Variants in OTUD7B observed in about 807,000 individuals in gnomAD.
OTUD7B encodes OTU deubiquitinase 7B, also known as OTU domain-containing protein 7B.
Under a neutral mutation model 82.2 loss-of-function variants are expected in OTUD7B, and 34 were observed. The ratio of observed to expected loss-of-function variants is 0.41; its 90% CI spans 0.31 to 0.55. The LOEUF is 0.55. OTUD7B is among the 20% of genes least tolerant of loss of function. The pLI is 0.20. For missense variants in OTUD7B, 944 were observed against 1,062.1 expected (o/e 0.89, Z 1.55); for synonymous variants, 398 against 402.7 (o/e 0.99, Z 0.14).
chr1:150,046,336 G>A, the OTUD7B span, among the ~76,000 whole-genome samples: 3 of 151,954 alleles, frequency 2.0e-5, no homozygotes, highest in Non-Finnish European at 2.9e-5. Flanking sequence ...TCTCATCTGG[G>A]TTGTTGTAAA....
chr1:150,030,924 G>A, the OTUD7B span, among the ~76,000 whole-genome samples: 2 of 151,864 alleles, frequency 1.3e-5, no homozygotes, highest in Non-Finnish European at 2.9e-5. Context: ...ACCCAGGCCC[G>A]CCACCACACT....
the OTUD7B span, among the ~76,000 whole-genome samples, chr1:150,029,030 A>G: frequency 6.6e-6 from 1 of 152,186 alleles, no homozygotes; most frequent in South Asian, 2.1e-4. Flanking sequence ...ATGCTGATGA[A>G]CATTTGGTGA....
intron 7 of OTUD7B, among the ~76,000 whole-genome samples, chr1:149,950,619 C>T (rs1648117228): frequency 6.6e-6 from 1 of 152,126 alleles, no homozygotes. Flanking sequence ...TCATGTCTTA[C>T]AAAAACAGCC....
At chr1:149,949,477 TGA>T in intron 9 of OTUD7B, 150 bp downstream of exon 9, 2 of 798,400 alleles carry the variant, frequency 2.5e-6, no homozygotes, top group African/African-American at 1.7e-5. Context: ...TTTTTTAATT[TGA>T]AAACTCTGGC....
At chr1:150,024,826 T>C in the OTUD7B span, among the ~76,000 whole-genome samples, 1 of 151,996 alleles carries the variant, frequency 6.6e-6, no homozygotes, top group African/African-American at 2.4e-5. Flanking sequence ...GGCGGGCGGA[T>C]CTCTTGAGGT....
At chr1:150,043,099 C>T in the OTUD7B span, among the ~76,000 whole-genome samples, 2 of 152,088 alleles carry the variant, frequency 1.3e-5, no homozygotes, top group Non-Finnish European at 2.9e-5. Context: ...GCCAGTGGTA[C>T]TATTATAAGT....
At chr1:150,049,405 T>G in the OTUD7B span, among the ~76,000 whole-genome samples, 1 of 152,172 alleles carries the variant, frequency 6.6e-6, no homozygotes, top group African/African-American at 2.4e-5. Flanking sequence ...TGTTGCTATA[T>G]ACTTTTAATA....
the OTUD7B span, among the ~76,000 whole-genome samples, chr1:150,031,283 T>G: frequency 3.2e-4 from 49 of 152,222 alleles, 1 homozygote; most frequent in African/African-American, 1.0e-3. Context: ...ACCTGCATTA[T>G]ACTCCTCATT....
intron 1 of OTUD7B, among the ~76,000 whole-genome samples, chr1:149,981,094 AGAGGAGGAGGAAGAGGAG>A (rs1286950946): frequency 2.1e-4 from 31 of 145,474 alleles, no homozygotes; most frequent in African/African-American, 7.8e-4. Context: ...AGGAGGAGGA[AGAGGAGGAGGAAGAGGAG>A]GAGGAGGGGG....
At chr1:150,057,198 G>A in the OTUD7B span, among the ~76,000 whole-genome samples, 8 of 151,748 alleles carry the variant, frequency 5.3e-5, no homozygotes, top group East Asian at 7.7e-4. Context: ...GATATTCTAC[G>A]AAACAACTGA....
In OTUD7B at chr1:149,940,166, A is replaced by G. The variant is rs1489437654; in HGVS notation, c.*3691T>C. On this transcript the variant is annotated 3_prime_UTR_variant, in exon 12 of 12. Transcript: ENST00000581312. The stretch of plus-strand genomic sequence containing the variant: ...CTCAGTATCACCCCGCAGATATACA[A>G]CACGAAGTCACTGCTAATTCTTGTT... 2 of 151,980 alleles carry G rather than the reference A, an allele frequency of 1.3e-5. No individual in the cohort carries two copies. The highest frequency in any genetic ancestry group is 4.8e-5 in the African/African-American group (2 of 41,360). 9.4% of individuals were successfully genotyped at this position (151,980 alleles called of 1,614,324 possible).
At chr1:150,021,444 G>A in the OTUD7B span, among the ~76,000 whole-genome samples, 4 of 152,288 alleles carry the variant, frequency 2.6e-5, no homozygotes, top group African/African-American at 9.6e-5. Context: ...GGAAAAACGA[G>A]ATCTTGTCAT....
chr1:150,024,688 T>C, the OTUD7B span, among the ~76,000 whole-genome samples: 2 of 152,216 alleles, frequency 1.3e-5, no homozygotes, highest in Non-Finnish European at 2.9e-5. Flanking sequence ...AGCTAAAGAA[T>C]TGATGGTTTC....
In OTUD7B at chr1:149,943,395, A is replaced by G. The variant is rs782391959; in HGVS notation, c.*462T>C. The G allele has an allele frequency of 1.9e-5, 3 of 160,252 alleles. No homozygotes were observed. Among genetic ancestry groups the G allele is most frequent in the Non-Finnish European group, 4.1e-5 (3 of 73,114 alleles). 9.9% of individuals were successfully genotyped at this position (160,252 alleles called of 1,614,324 possible). A position where few individuals can be genotyped will look rare whatever the true frequency, so the allele number is the denominator to read the frequency against. ...TTCAAATCAATAGCAAATGTGTCCA[A>G]TTTCCCACTTCCCCTCCACACTTCT... On this transcript the variant is annotated 3_prime_UTR_variant, in exon 12 of 12. Coordinates refer to ENST00000581312, the MANE Select transcript of OTUD7B (RefSeq NM_020205.4).
chr1:150,055,668 A>C, the OTUD7B span, among the ~76,000 whole-genome samples: 1 of 152,238 alleles, frequency 6.6e-6, no homozygotes, highest in Non-Finnish European at 1.5e-5. Context: ...TGGATAAAGA[A>C]AATGTACGTA....
At chr1:150,009,343 C>G (rs1652873944) in intron 1 of OTUD7B, among the ~76,000 whole-genome samples, 1 of 152,176 alleles carries the variant, frequency 6.6e-6, no homozygotes, top group Non-Finnish European at 1.5e-5. Flanking sequence ...CCACCTCTTT[C>G]TCTACTCTGT....
chr1:150,013,983 CACACACATATAT>C (rs1332428177), upstream of OTUD7B, among the ~76,000 whole-genome samples: 12 of 126,682 alleles, frequency 9.5e-5, no homozygotes, highest in African/African-American at 3.1e-4. Context: ...CATATATATA[CACACACATATAT>C]ACACACATAT....
the OTUD7B span, among the ~76,000 whole-genome samples, chr1:150,062,619 A>G: frequency 6.6e-6 from 1 of 152,274 alleles, no homozygotes; most frequent in Admixed American, 6.5e-5. Flanking sequence ...CTACATTTTG[A>G]AAGCTGCTAA....
intron 3 of OTUD7B, among the ~76,000 whole-genome samples, chr1:149,968,877 A>ATT (rs587685973): frequency 2.7e-5 from 4 of 148,436 alleles, no homozygotes; most frequent in African/African-American, 7.4e-5. Context: ...CACCCAGCTA[A>ATT]TTTTTTTTTT....
Sources: allele counts gnomAD v4.1 joint callset (sites outside exome capture counted in the v4.1 genomes callset), GRCh38; gene constraint gnomAD v4.1.1; transcripts MANE v1.5; gene names NCBI Gene and HGNC (gene_info 2026-07-23, HGNC 2026-07-21).